The following TBC1D5 variants were observed in gnomAD, a reference collection of about 807,000 sequenced individuals.
The protein encoded by TBC1D5 is TBC1 domain family, member 5.
TBC1D5 carries 75 observed loss-of-function variants against 100.3 expected under a neutral mutation model. That is an observed-to-expected ratio of 0.75 (90% CI 0.62 to 0.91). The LOEUF (loss-of-function observed/expected upper bound fraction) is 0.91. TBC1D5 is among the 40% of genes least tolerant of loss of function. The pLI is 0.00. For missense variants in TBC1D5, 910 were observed against 942.4 expected, an observed-to-expected ratio of 0.97 and a Z score of 0.45; for synonymous variants, 323 against 325.6, an observed-to-expected ratio of 0.99 and a Z score of 0.09.
chr3:17,414,002 A>T (rs1366564322), intron 4 of TBC1D5, among the ~76,000 whole-genome samples: 1 of 152,198 alleles, frequency 6.6e-6, no homozygotes, highest in Non-Finnish European at 1.5e-5. Context: ...AAAGTCACAG[A>T]CAGTGGAAGA....
In TBC1D5 at chr3:17,416,537, T is replaced by C. The variant is rs1295092388; in HGVS notation, c.168-10011A>G. On this transcript the variant is annotated intron_variant, in intron 4 of 21. Transcript: ENST00000253692. ...CAAGTGATGCATACTCATATATAAC[T>C]GGGGAAAGCAAACAAACATTAAAAG... is the stretch of plus-strand genomic sequence containing the variant. 8.5e-5 allele frequency among the ~76,000 whole-genome samples: 13 copies of C among 152,176 alleles called. No individual in the cohort carries two copies. In the East Asian group the frequency reaches 2.5e-3, roughly 29 times the overall value.
chr3:17,541,999 C>T (rs986024365), intron 2 of TBC1D5, among the ~76,000 whole-genome samples: 2 of 152,118 alleles, frequency 1.3e-5, no homozygotes, highest in African/African-American at 4.8e-5. Context: ...TAAAATACAT[C>T]AATTATGACC....
intron 1 of TBC1D5, among the ~76,000 whole-genome samples, chr3:17,726,501 T>C (rs2076141430): frequency 6.6e-6 from 1 of 152,234 alleles, no homozygotes; most frequent in Non-Finnish European, 1.5e-5. Flanking sequence ...TGGCTGCATA[T>C]GTATGTCTTC....
intron 1 of TBC1D5, among the ~76,000 whole-genome samples, chr3:17,627,262 G>T (rs989924557): frequency 6.6e-6 from 1 of 152,130 alleles, no homozygotes; most frequent in Admixed American, 6.6e-5. Flanking sequence ...TGACTGGAGC[G>T]GACAGACAGT....
intron 4 of TBC1D5, among the ~76,000 whole-genome samples, chr3:17,417,229 T>C (rs2094100973): frequency 6.6e-6 from 1 of 152,124 alleles, no homozygotes. Context: ...TTAGGGTTCA[T>C]GTGCACAATG....
intron 17 of TBC1D5, among the ~76,000 whole-genome samples, chr3:17,217,766 T>C (rs79368176): frequency 0.012 from 1,897 of 152,174 alleles, 34 homozygotes; most frequent in African/African-American, 0.043. Flanking sequence ...TGGGTGCAAG[T>C]TCCTTATCAA....
intron 3 of TBC1D5, among the ~76,000 whole-genome samples, chr3:17,480,965 C>G (rs976460291): frequency 3.9e-5 from 6 of 152,180 alleles, no homozygotes; most frequent in African/African-American, 1.2e-4. Context: ...AAACATGCTC[C>G]CCCACTGCTC....
At chr3:17,251,414 T>C (rs1033130244) in intron 16 of TBC1D5, among the ~76,000 whole-genome samples, 10 of 118,076 alleles carry the variant, frequency 8.5e-5, no homozygotes, top group African/African-American at 2.8e-4. Context: ...GGAATATATA[T>C]ACTCACGGGA....
At chr3:17,356,410 C>A (rs536209009) in intron 13 of TBC1D5, among the ~76,000 whole-genome samples, 75 of 152,190 alleles carry the variant, frequency 4.9e-4, no homozygotes, top group African/African-American at 1.7e-3. Flanking sequence ...GAAGAATGTT[C>A]CCTGCTCTAA....
rs1356423157 is a variant in TBC1D5 at position 17,425,319 on chromosome 3, T to C, written c.167+3131A>G. On this transcript the variant is annotated intron_variant, in intron 4 of 21. Coordinates refer to ENST00000253692, the Ensembl canonical transcript of TBC1D5. ...AATCAGGATCTGAACCAGTACACTATGTTTAAACATTGTTTTTAAAAAACA... is the reference window on the plus strand; with the variant it reads ...AATCAGGATCTGAACCAGTACACTACGTTTAAACATTGTTTTTAAAAAACA... Among the ~76,000 whole-genome samples, 5 of 152,224 alleles carry C rather than the reference T, an allele frequency of 3.3e-5. 1 individual carries two copies. The highest frequency in any genetic ancestry group is 1.2e-4 in the African/African-American group (5 of 41,460).
chr3:17,275,434 C>T (rs577505762), intron 15 of TBC1D5, among the ~76,000 whole-genome samples: 166 of 151,954 alleles, frequency 1.1e-3, no homozygotes, highest in Non-Finnish European at 1.9e-3. Context: ...CCCAGCTACT[C>T]GGGAGGTTAT....
intron 17 of TBC1D5, among the ~76,000 whole-genome samples, chr3:17,231,424 G>T (rs936738780): frequency 2.0e-5 from 3 of 151,294 alleles, no homozygotes; most frequent in African/African-American, 7.3e-5. Flanking sequence ...TTATATTCAG[G>T]TTTTTTCTTA....
At chr3:17,201,881 T>C (rs533101828) in intron 18 of TBC1D5, among the ~76,000 whole-genome samples, 9 of 152,314 alleles carry the variant, frequency 5.9e-5, no homozygotes, top group Middle Eastern at 3.4e-3. Flanking sequence ...CAGGTAGTTA[T>C]TTATAGTAAT....
At chr3:17,689,719 T>C (rs370373880) in intron 1 of TBC1D5, among the ~76,000 whole-genome samples, 2 of 152,174 alleles carry the variant, frequency 1.3e-5, no homozygotes, top group African/African-American at 4.8e-5. Context: ...CAATAGTAGT[T>C]GTCAACTATG....
intron 1 of TBC1D5, among the ~76,000 whole-genome samples, chr3:17,687,565 T>G (rs2070488078): frequency 6.6e-6 from 1 of 151,812 alleles, no homozygotes; most frequent in African/African-American, 2.4e-5. Flanking sequence ...AAGAAGAAAA[T>G]CACAGGCTGA....
intron 3 of TBC1D5, among the ~76,000 whole-genome samples, chr3:17,494,750 C>T (rs924368314): frequency 6.6e-6 from 1 of 152,088 alleles, no homozygotes; most frequent in Non-Finnish European, 1.5e-5. Flanking sequence ...CGGGGAAAAC[C>T]GCTGACTGGA....
At chr3:17,637,634 T>G (rs2064090161) in intron 1 of TBC1D5, among the ~76,000 whole-genome samples, 1 of 152,052 alleles carries the variant, frequency 6.6e-6, no homozygotes, top group South Asian at 2.1e-4. Context: ...AAAAAGTTTT[T>G]AAGGGACACA....
At chr3:17,635,846 C>A (rs1195980769) in intron 1 of TBC1D5, among the ~76,000 whole-genome samples, 1 of 152,000 alleles carries the variant, frequency 6.6e-6, no homozygotes, top group African/African-American at 2.4e-5. Flanking sequence ...AGTTTTACTG[C>A]CAAAATGAAC....
At chr3:17,589,980 G>A (rs1465946074) in intron 2 of TBC1D5, among the ~76,000 whole-genome samples, 1 of 152,174 alleles carries the variant, frequency 6.6e-6, no homozygotes, top group Admixed American at 6.5e-5. Context: ...AATGGGATCT[G>A]AAAGGTATGG....
Sources: gnomAD v4.1 joint callset for allele counts (sites outside exome capture counted in the v4.1 genomes callset) on GRCh38, gnomAD v4.1.1 for gene constraint, MANE v1.5 for transcripts, NCBI Gene and HGNC (gene_info 2026-07-23, HGNC 2026-07-21) for gene names.